The following CFTR variants were observed in gnomAD, a reference collection of about 807,000 sequenced individuals.
CFTR encodes the protein cystic fibrosis transmembrane conductance regulator.
In CFTR, 181 loss-of-function variants were observed where a neutral mutation model predicts 171.6. That is an observed-to-expected ratio of 1.05 (90% CI 0.93 to 1.19). The LOEUF is 1.19. Ranked by LOEUF, CFTR falls within the 50% of genes most tolerant of loss-of-function variation. CFTR has a pLI of 0.00. For missense variants in CFTR, 1,968 were observed against 1,734.7 expected, an observed-to-expected ratio of 1.13 and a Z score of -2.39; for synonymous variants, 583 against 608.0, an observed-to-expected ratio of 0.96 and a Z score of 0.60.
Position 117,515,444 on chromosome 7 carries a change from C to T in CFTR, c.273+6302C>T, listed in dbSNP as rs575688706. ...CATTGCTTGTTTTTGTCAGATTTGT[C>T]GAAGATCAGATGGTTGTAGATGTGT... On this transcript the variant is annotated intron_variant, in intron 3 of 26. Transcript: ENST00000003084. Among the ~76,000 whole-genome samples, 3 of 152,170 alleles carry T rather than the reference C, an allele frequency of 2.0e-5. No individual in the cohort carries two copies. The East Asian group carries it at 5.8e-4, about 29-fold the overall frequency.
chr7:117,617,172 A>G (rs1304307941), intron 21 of CFTR, among the ~76,000 whole-genome samples: 1 of 152,172 alleles, frequency 6.6e-6, no homozygotes, highest in Admixed American at 6.6e-5. Flanking sequence ...TCAGAAAAAA[A>G]TGTTTATACT....
chr7:117,658,174 T>C (rs1368578670), intron 24 of CFTR, among the ~76,000 whole-genome samples: 4 of 152,116 alleles, frequency 2.6e-5, no homozygotes, highest in Non-Finnish European at 4.4e-5. Flanking sequence ...CTCTCCAAGA[T>C]TGGTGCCAAA....
At chr7:117,551,129 T>TAAC (rs1799262304) in intron 10 of CFTR, among the ~76,000 whole-genome samples, 2 of 152,230 alleles carry the variant, frequency 1.3e-5, no homozygotes, top group African/African-American at 4.8e-5. Flanking sequence ...CTCTTCATTA[T>TAAC]AACACTGCTT....
At chr7:117,621,118 A>G (rs1442746718) in intron 21 of CFTR, among the ~76,000 whole-genome samples, 2 of 152,096 alleles carry the variant, frequency 1.3e-5, no homozygotes, top group African/African-American at 4.8e-5. Context: ...ACAAAACAAA[A>G]GAAAGCAAAA....
intron 11 of CFTR, among the ~76,000 whole-genome samples, chr7:117,577,409 T>A (rs35993090): frequency 0.098 from 14,935 of 152,194 alleles, 2,443 homozygotes; most frequent in African/African-American, 0.34. Context: ...CAACTTGAAT[T>A]GTTTAAAGTG....
At chr7:117,521,902 T>C (rs1445830528) in intron 3 of CFTR, among the ~76,000 whole-genome samples, 2 of 152,196 alleles carry the variant, frequency 1.3e-5, no homozygotes, top group Non-Finnish European at 2.9e-5. Context: ...ATCTCTAGAC[T>C]AAACATTTGA....
chr7:117,580,696 T>C (rs940551591), intron 11 of CFTR, among the ~76,000 whole-genome samples: 2 of 152,150 alleles, frequency 1.3e-5, no homozygotes, highest in African/African-American at 4.8e-5. Flanking sequence ...CAGTCTAGTC[T>C]AGTCCAGACT....
rs1277353547 is a variant in CFTR, at chr7:117,592,187, G to T, written c.2020G>T (p.Asp674Tyr). ...ETLHRFSLEG[D>Y]APVSWTETKK... ...CTTACACCGTTTCTCATTAGAAGGA[G>T]ATGCTCCTGTCTCCTGGACAGAAAC... is the stretch of plus-strand genomic sequence containing the variant. The change falls in exon 14 of 27, where the codon GAT (aspartate) becomes TAT (tyrosine). Residue 674 changes from aspartate (D) to tyrosine (Y), a missense_variant. By Grantham distance (160) the Asp-to-Tyr change is radical. Transcript: ENST00000003084. 5.0e-6 allele frequency: 8 copies of T among 1,613,850 alleles called. No homozygotes were observed. Among genetic ancestry groups the T allele is most frequent in the Non-Finnish European group, 6.8e-6 (8 of 1,180,030 alleles).
At chr7:117,606,541 ATCTGAT>A (rs1792302644) in intron 17 of CFTR, 127 bp from the exon 18 acceptor site, 1 of 653,500 alleles carries the variant, frequency 1.5e-6, no homozygotes, top group Non-Finnish European at 2.7e-6. Context: ...TTCTAAGTCT[ATCTGAT>A]TCTATTTGCT....
At chr7:117,589,766 T>A (rs1235915327) in intron 12 of CFTR, among the ~76,000 whole-genome samples, 1 of 152,056 alleles carries the variant, frequency 6.6e-6, no homozygotes, top group African/African-American at 2.4e-5. Flanking sequence ...AGCACTGCTA[T>A]CAATTTGTTG....
chr7:117,630,290 G>A (rs1473389299), intron 22 of CFTR, among the ~76,000 whole-genome samples: 2 of 152,166 alleles, frequency 1.3e-5, no homozygotes, highest in African/African-American at 2.4e-5. Flanking sequence ...TAAATGCTAT[G>A]GGAATTCAGA....
intron 20 of CFTR, among the ~76,000 whole-genome samples, chr7:117,613,576 A>C (rs933369153): frequency 6.6e-6 from 1 of 152,154 alleles, no homozygotes; most frequent in Non-Finnish European, 1.5e-5. Flanking sequence ...TACTAAATAA[A>C]TGTTATCTGA....
chr7:117,501,786 A>AAAAAAAAAAAAAAAC (rs1798335963), intron 1 of CFTR, among the ~76,000 whole-genome samples: 1 of 140,548 alleles, frequency 7.1e-6, no homozygotes, highest in African/African-American at 2.8e-5. Context: ...CAAAAAAAAA[A>AAAAAAAAAAAAAAAC]AAAAAACAAA....
At chr7:117,518,759 T>A (rs1050458692) in intron 3 of CFTR, among the ~76,000 whole-genome samples, 1 of 151,766 alleles carries the variant, frequency 6.6e-6, no homozygotes, top group Non-Finnish European at 1.5e-5. Context: ...ATAGACTCTC[T>A]ACCTAAGTGC....
intron 16 of CFTR, 56 bp downstream of exon 16, chr7:117,602,919 T>C: frequency 7.2e-7 from 1 of 1,382,574 alleles, no homozygotes; most frequent in Admixed American, 1.7e-5. Flanking sequence ...TGATTAAATA[T>C]TGTAATCCAC....
intron 14 of CFTR, among the ~76,000 whole-genome samples, chr7:117,593,261 G>A (rs1429985609): frequency 2.0e-5 from 3 of 151,972 alleles, no homozygotes; most frequent in Admixed American, 6.6e-5. Context: ...CAGAAATTTT[G>A]TTCTATTAGG....
At chr7:117,661,982 T>C (rs940848692) in intron 24 of CFTR, among the ~76,000 whole-genome samples, 29 of 74,378 alleles carry the variant, frequency 3.9e-4, no homozygotes, top group Non-Finnish European at 1.4e-4. Context: ...TTAATTTTAC[T>C]GAAAAAAAAA....
At chr7:117,507,125 C>T (rs188904762) in intron 2 of CFTR, among the ~76,000 whole-genome samples, 139 of 152,262 alleles carry the variant, frequency 9.1e-4, no homozygotes, top group African/African-American at 3.3e-3. Flanking sequence ...AAGAATAAAA[C>T]TTCTTCCCTT....
intron 22 of CFTR, among the ~76,000 whole-genome samples, chr7:117,638,274 G>A (rs917592443): frequency 2.6e-5 from 4 of 152,232 alleles, no homozygotes; most frequent in African/African-American, 9.6e-5. Flanking sequence ...TACTTGTTAC[G>A]ATGAAGCCAA....
Sources: gnomAD v4.1 joint callset for allele counts (sites outside exome capture counted in the v4.1 genomes callset) on GRCh38, gnomAD v4.1.1 for gene constraint, MANE v1.5 for transcripts, NCBI Gene and HGNC (gene_info 2026-07-23, HGNC 2026-07-21) for gene names.